THADA: variants seen among roughly 807,000 people sequenced by gnomAD.
THADA encodes tRNA (32-2'-O)-methyltransferase regulator THADA.
Under a neutral mutation model 219.8 loss-of-function variants are expected in THADA, and 213 were observed. The ratio of observed to expected loss-of-function variants is 0.97; its 90% CI spans 0.87 to 1.09. The LOEUF (loss-of-function observed/expected upper bound fraction) is 1.09. THADA is among the 50% of genes least tolerant of loss of function. The pLI is 0.00. For synonymous variants in THADA, 1,018 were observed against 828.9 expected (o/e 1.23, Z -3.92); for missense variants, 2,956 against 2,311.3 (o/e 1.28, Z -5.72).
chr2:43,405,298 C>T (rs1675397260), intron 28 of THADA, among the ~76,000 whole-genome samples: 1 of 152,182 alleles, frequency 6.6e-6, no homozygotes, highest in South Asian at 2.1e-4. Context: ...TGTGTGGGTA[C>T]GTGTGCATGC....
intron 4 of THADA, among the ~76,000 whole-genome samples, chr2:43,587,991 T>G (rs1701182683): frequency 6.6e-6 from 1 of 152,190 alleles, no homozygotes; most frequent in African/African-American, 2.4e-5. Context: ...ATGGGAATAT[T>G]CAGAATAAGA....
chr2:43,349,437 C>G (rs1466685068), intron 29 of THADA, among the ~76,000 whole-genome samples: 3 of 152,092 alleles, frequency 2.0e-5, no homozygotes, highest in African/African-American at 4.8e-5. Context: ...TGAGGCAGTT[C>G]CCTGAAAAAA....
intron 36 of THADA, among the ~76,000 whole-genome samples, chr2:43,272,811 A>T (rs1672285635): frequency 6.6e-6 from 1 of 151,730 alleles, no homozygotes. Flanking sequence ...TTTTTTGAAG[A>T]GACAGGGTCT....
chr2:43,478,260 C>G lies in THADA; in HGVS notation c.3836+6974G>C, dbSNP rs1482339968. On this transcript the variant is annotated intron_variant, in intron 26 of 37. Coordinates refer to ENST00000405975, the MANE Select transcript of THADA (RefSeq NM_022065.5). Reference sequence around the variant, plus strand: ...GCTGGAAATTCCTGAGATTTCCAAACTGTACATTACTCAAATCAGTAGTTA... The same window carrying G: ...GCTGGAAATTCCTGAGATTTCCAAAGTGTACATTACTCAAATCAGTAGTTA... Among the ~76,000 whole-genome samples the G allele has an allele frequency of 2.6e-5, 4 of 152,278 alleles. No homozygotes were observed. The East Asian group carries it at 7.7e-4, about 29-fold the overall frequency.
intron 20 of THADA, among the ~76,000 whole-genome samples, chr2:43,542,537 C>G (rs1056926330): frequency 4.6e-5 from 7 of 152,178 alleles, no homozygotes; most frequent in African/African-American, 1.7e-4. Context: ...TTTTACAGCA[C>G]TGCAGAAAAT....
intron 3 of THADA, among the ~76,000 whole-genome samples, chr2:43,591,321 T>A (rs763532997): frequency 6.6e-5 from 10 of 152,096 alleles, no homozygotes; most frequent in African/African-American, 2.4e-4. Flanking sequence ...TGAGACCCTA[T>A]CTCAAAAAAA....
At chr2:43,400,478 A>AATATATATATATATATATAT (rs1553427575) in intron 28 of THADA, among the ~76,000 whole-genome samples, 1 of 116,996 alleles carries the variant, frequency 8.5e-6, no homozygotes, top group African/African-American at 3.5e-5. Context: ...TATATATATA[A>AATATATATATATATATATAT]ATATATACAC....
chr2:43,237,593 G>T (rs1418497317), intron 36 of THADA, among the ~76,000 whole-genome samples: 1 of 151,254 alleles, frequency 6.6e-6, no homozygotes, highest in Non-Finnish European at 1.5e-5. Flanking sequence ...TAGAGACGGG[G>T]TTTCACCATC....
At position 43,579,840 on chromosome 2, in the gene THADA, A is replaced by T. The variant is rs114169242; in HGVS notation, c.722-1233T>A. Among the ~76,000 whole-genome samples the T allele has an allele frequency of 5.7e-3, 864 of 152,260 alleles. 5 individuals are homozygous for T. The highest frequency in any genetic ancestry group is 0.02 in the African/African-American group (812 of 41,542). ...AGATGGCACAGCAGAAAAGCAGAAA[A>T]TGTGTGGGTCGTACACTGCCTATAC... On this transcript the variant is annotated intron_variant, in intron 8 of 37. Transcript: ENST00000405975.
Position 43,400,478 on chromosome 2 carries a change from A to AT in THADA, c.4059-2340_4059-2339insA, listed in dbSNP as rs10687373. ...AAATTTATATATATATATATATATA[A>AT]ATATATACACTAAGAAAAAAAATTT... On this transcript the variant is annotated intron_variant, in intron 28 of 37. Coordinates refer to ENST00000405975, the MANE Select transcript of THADA (RefSeq NM_022065.5). Among the ~76,000 whole-genome samples, 520 of 116,948 alleles carry AT rather than the reference A, an allele frequency of 4.4e-3. 26 individuals are homozygous for AT. The highest frequency in any genetic ancestry group is 6.4e-3 in the South Asian group (26 of 4,050). The allele number at this position is 116,948 out of a possible 152,430, so 76.7% of individuals were successfully genotyped here. A position where few individuals can be genotyped will look rare whatever the true frequency, so the allele number is the denominator to read the frequency against.
intron 36 of THADA, among the ~76,000 whole-genome samples, chr2:43,258,217 T>C (rs554506654): frequency 6.6e-6 from 1 of 152,186 alleles, no homozygotes; most frequent in African/African-American, 2.4e-5. Flanking sequence ...GGCATACTTA[T>C]ACTAAAAAAA....
chr2:43,371,921 C>G lies in THADA; in HGVS notation c.4227+26050G>C, dbSNP rs529924453. On this transcript the variant is annotated intron_variant, in intron 29 of 37. Transcript: ENST00000405975. Reference sequence around the variant, plus strand: ...CCCCACTGTTTAAATATCTACTCCCCAAGTCAGTGATGGATTATAAAACCC... The same window carrying G: ...CCCCACTGTTTAAATATCTACTCCCGAAGTCAGTGATGGATTATAAAACCC... 2.0e-5 allele frequency: 3 copies of G among 152,210 alleles called. No homozygotes were observed. In the East Asian group the frequency reaches 5.8e-4, roughly 29 times the overall value. The allele number at this position is 152,210 out of a possible 1,614,324, so 9.4% of individuals were successfully genotyped here. A position where few individuals can be genotyped will look rare whatever the true frequency, so the allele number is the denominator to read the frequency against.
chr2:43,562,977 T>C (rs1698249567), intron 15 of THADA: 1 of 152,226 alleles, frequency 6.6e-6, no homozygotes. Context: ...TTAGTCAGTT[T>C]AGCAAACTTT....
intron 25 of THADA, 43 bp from the exon 26 acceptor site, chr2:43,485,368 G>A: frequency 7.2e-7 from 1 of 1,384,220 alleles, no homozygotes; most frequent in Non-Finnish European, 1.0e-6. Context: ...AATATTCTTG[G>A]CATGAAACCA....
intron 31 of THADA, among the ~76,000 whole-genome samples, chr2:43,318,930 T>A (rs1678389330): frequency 6.6e-6 from 1 of 152,176 alleles, no homozygotes; most frequent in African/African-American, 2.4e-5. Context: ...AGACAAAGAA[T>A]AATGGCACTG....
intron 26 of THADA, among the ~76,000 whole-genome samples, chr2:43,445,572 CG>C (rs1558772373): frequency 6.6e-6 from 1 of 152,230 alleles, no homozygotes; most frequent in East Asian, 1.9e-4. Flanking sequence ...GCATCCTCCT[CG>C]GGGCCTCTGT....
chr2:43,288,349 C>T (rs555517678), intron 34 of THADA, among the ~76,000 whole-genome samples: 24 of 152,280 alleles, frequency 1.6e-4, no homozygotes, highest in Non-Finnish European at 2.8e-4. Flanking sequence ...AGCCAGGGGG[C>T]GGAGGCTGCA....
At chr2:43,431,512 C>A (rs1477037961) in intron 26 of THADA, among the ~76,000 whole-genome samples, 1 of 152,128 alleles carries the variant, frequency 6.6e-6, no homozygotes, top group Non-Finnish European at 1.5e-5. Context: ...GTTGCCCAGG[C>A]TGGAGTGCAG....
At chr2:43,577,508 G>A (rs1699987467) in intron 9 of THADA, among the ~76,000 whole-genome samples, 1 of 143,288 alleles carries the variant, frequency 7.0e-6, no homozygotes, top group African/African-American at 2.8e-5. Flanking sequence ...CTTAACAACT[G>A]CTTTTTTTTT....
Sources: gnomAD v4.1 joint callset for allele counts (sites outside exome capture counted in the v4.1 genomes callset) on GRCh38, gnomAD v4.1.1 for gene constraint, MANE v1.5 for transcripts, NCBI Gene and HGNC (gene_info 2026-07-23, HGNC 2026-07-21) for gene names.